Variants in ERN1 observed in about 807,000 individuals in gnomAD.
The protein encoded by ERN1 is serine/threonine-protein kinase/endoribonuclease IRE1.
In ERN1, 39 loss-of-function variants were observed where a neutral mutation model predicts 113.1. The ratio of observed to expected loss-of-function variants is 0.34; its 90% CI spans 0.27 to 0.45. ERN1 has a LOEUF of 0.45. ERN1 is among the 20% of genes least tolerant of loss of function. The pLI is 1.00. For synonymous variants in ERN1, 507 were observed against 515.9 expected, an observed-to-expected ratio of 0.98 and a Z score of 0.23; for missense variants, 976 against 1,274.8, an observed-to-expected ratio of 0.77 and a Z score of 3.57.
chr17:64,097,164 C>G (rs1914252866), intron 2 of ERN1, among the ~76,000 whole-genome samples: 1 of 152,200 alleles, frequency 6.6e-6, no homozygotes, highest in Non-Finnish European at 1.5e-5. Flanking sequence ...AAAGTTCCTG[C>G]TGATCCAAGC....
intron 2 of ERN1, among the ~76,000 whole-genome samples, chr17:64,081,875 A>G (rs1172651824): frequency 6.6e-6 from 1 of 152,176 alleles, no homozygotes; most frequent in Non-Finnish European, 1.5e-5. Context: ...GAGAGCATGA[A>G]CACTGGCACA....
chr17:64,054,290 T>C lies in ERN1; in HGVS notation c.1913A>G (p.Gln638Arg), dbSNP rs1482812084. The change falls in exon 15 of 22, where the codon CAG (glutamine) becomes CGG (arginine). Residue 638 changes from glutamine to arginine, a missense_variant. By Grantham distance (43) the Gln-to-Arg change is conservative. Transcript: ENST00000433197. The surrounding 1 kb of genome is among the most constrained non-coding windows in gnomAD (Gnocchi z 4.9). ...TGCACACAGCTCGATGGCAATGTACTGGAATTGCCGGTCCTTCTCCGTGCA... is the reference window on the plus strand; with the variant it reads ...TGCACACAGCTCGATGGCAATGTACCGGAATTGCCGGTCCTTCTCCGTGCA... ...YFCTEKDRQF[Q>R]YIAIELCAAT... 2.5e-6 allele frequency: 4 copies of C among 1,613,862 alleles called. No individual in the cohort carries two copies. The highest frequency in any genetic ancestry group is 4.5e-5 in the East Asian group (2 of 44,884).
chr17:64,047,456 G>C (rs1912547674), intron 19 of ERN1, among the ~76,000 whole-genome samples: 1 of 152,082 alleles, frequency 6.6e-6, no homozygotes, highest in Admixed American at 6.6e-5. Context: ...GTGGGGAGAG[G>C]GTGAAGGTTA....
chr17:64,107,053 C>T (rs372605353), intron 1 of ERN1, among the ~76,000 whole-genome samples: 5 of 152,094 alleles, frequency 3.3e-5, no homozygotes, highest in African/African-American at 1.2e-4. Context: ...AGCAGAGTAC[C>T]GCTTTCTAAT....
intron 1 of ERN1, among the ~76,000 whole-genome samples, chr17:64,128,161 A>ATTTTTTT (rs760752335): frequency 4.0e-5 from 5 of 126,396 alleles, no homozygotes; most frequent in African/African-American, 1.3e-4. Flanking sequence ...CGCCCGGCTA[A>ATTTTTTT]TTTTTTTTTT....
chr17:64,103,897 G>C (rs575864030), intron 1 of ERN1, among the ~76,000 whole-genome samples: 3 of 152,244 alleles, frequency 2.0e-5, no homozygotes, highest in East Asian at 1.9e-4. Flanking sequence ...GGACTGACTG[G>C]TCAGGCAGGG....
In ERN1 at chr17:64,048,030, C is replaced by G. The variant is rs755764364; in HGVS notation, c.2402-45G>C. 1.9e-6 allele frequency: 3 copies of G among 1,550,892 alleles called. No homozygotes were observed. In the Admixed American group the frequency reaches 5.7e-5, roughly 29 times the overall value. ...GCAACTCATGACTACCAGTCCAAAG[C>G]CACAGTGAAATACCAAAAACTTTAA... is the stretch of plus-strand genomic sequence containing the variant. On this transcript the variant is annotated intron_variant, in intron 18 of 21. Transcript: ENST00000433197.
intron 2 of ERN1, among the ~76,000 whole-genome samples, chr17:64,086,034 T>C (rs1224271615): frequency 6.6e-5 from 10 of 152,244 alleles, no homozygotes; most frequent in Non-Finnish European, 1.5e-4. Context: ...ACAATGCTTT[T>C]GTCTTCACAC....
At chr17:64,100,439 AG>A (rs1034032326) in intron 1 of ERN1, among the ~76,000 whole-genome samples, 16 of 152,328 alleles carry the variant, frequency 1.1e-4, no homozygotes, top group African/African-American at 3.6e-4. Flanking sequence ...AGGTCTTGGG[AG>A]GCCACACAAG....
intron 17 of ERN1, among the ~76,000 whole-genome samples, chr17:64,050,099 T>A (rs754204343): frequency 2.6e-5 from 4 of 152,120 alleles, no homozygotes; most frequent in Non-Finnish European, 5.9e-5. Flanking sequence ...GACAGAAAGG[T>A]TGCATGACAA....
Position 64,063,931 on chromosome 17 carries a change from C to T in ERN1, c.1087+55G>A. 1.3e-6 allele frequency: 2 copies of T among 1,573,596 alleles called. No individual in the cohort carries two copies. Among genetic ancestry groups the T allele is most frequent in the Admixed American group, 3.4e-5 (2 of 58,390 alleles). ...TGTAACTACCAGGGCCGGCGGTCGC[C>T]CACCAGGAGGCAGCACGCTGTCACC... On this transcript the variant is annotated intron_variant, in intron 10 of 21. Coordinates refer to ENST00000433197, the MANE Select transcript of ERN1 (RefSeq NM_001433.5). The surrounding 1 kb of genome is among the most constrained non-coding windows in gnomAD (Gnocchi z 5.1).
intron 2 of ERN1, among the ~76,000 whole-genome samples, chr17:64,092,016 C>T (rs1027963027): frequency 6.6e-6 from 1 of 152,152 alleles, no homozygotes. Flanking sequence ...TTTCAGCAGG[C>T]AGGGGTACAG....
Position 64,042,490 on chromosome 17 carries a change from A to G in ERN1, c.*1498T>C, listed in dbSNP as rs2143305470. The G allele has an allele frequency of 1.3e-5, 2 of 152,328 alleles. No individual in the cohort carries two copies. The highest frequency in any genetic ancestry group is 2.9e-5 in the Non-Finnish European group (2 of 68,024). The allele number at this position is 152,328 out of a possible 1,614,324, so 9.4% of individuals were successfully genotyped here. On this transcript the variant is annotated 3_prime_UTR_variant, in exon 22 of 22. Transcript: ENST00000433197. ...TCTGTGAGTAAAATTCAACAATCCCATTCTTAATACTGAATGGAATCTCTG... is the reference window on the plus strand; with the variant it reads ...TCTGTGAGTAAAATTCAACAATCCCGTTCTTAATACTGAATGGAATCTCTG...
At chr17:64,120,800 C>T (rs969591519) in intron 1 of ERN1, among the ~76,000 whole-genome samples, 3 of 152,198 alleles carry the variant, frequency 2.0e-5, no homozygotes, top group Non-Finnish European at 4.4e-5. Context: ...AGACACACAA[C>T]TGGTGCAATC....
chr17:64,130,034 A>G lies in ERN1; in HGVS notation c.-5T>C, dbSNP rs1915198122. Reference sequence around the variant, plus strand: ...CAGCAGCCGCCGGGCCGGCATGGCGAGGACTCGGCCCTGGCTCCGGGGGCG... The same window carrying G: ...CAGCAGCCGCCGGGCCGGCATGGCGGGGACTCGGCCCTGGCTCCGGGGGCG... On this transcript the variant is annotated 5_prime_UTR_variant, in exon 1 of 22. Coordinates refer to ENST00000433197, the MANE Select transcript of ERN1 (RefSeq NM_001433.5). This position sits in a 1 kb window ranked among gnomAD's most constrained non-coding sequence, Gnocchi z 4.0. 7.0e-7 allele frequency: 1 copy of G among 1,419,110 alleles called. No individual in the cohort carries two copies. Among genetic ancestry groups the G allele is most frequent in the South Asian group, 1.5e-5 (1 of 67,786 alleles). The allele number at this position is 1,419,110 out of a possible 1,614,324, so 87.9% of individuals were successfully genotyped here.
chr17:64,068,093 A>G, intron 7 of ERN1, 97 bp downstream of exon 7: 2 of 794,674 alleles, frequency 2.5e-6, no homozygotes, highest in South Asian at 3.3e-5. Flanking sequence ...GGTGACAAAG[A>G]GTATCTTAAA....
chr17:64,076,737 C>A (rs183458296), intron 4 of ERN1, among the ~76,000 whole-genome samples: 46 of 152,186 alleles, frequency 3.0e-4, no homozygotes, highest in African/African-American at 1.1e-3. Flanking sequence ...GTAGCTGGGA[C>A]TACAGGCGCC....
Position 64,068,258 on chromosome 17 carries a change from C to G in ERN1, c.512G>C (p.Arg171Pro). Residue 171 changes from arginine to proline, a missense_variant, in exon 7 of 22, where the codon CGA becomes CCA. Arg to Pro is a moderately radical substitution (Grantham distance 103). Transcript: ENST00000433197. ...GTAGGTGGCATTCCACCGGAGCTCT[C>G]GGGTTTTGGTGTCGTACATGGTGAT... ...YTITMYDTKTRELRWNATYFD... is the reference protein window; with the variant it reads ...YTITMYDTKTPELRWNATYFD... 1 of 1,612,814 alleles carries G rather than the reference C, an allele frequency of 6.2e-7. No individual in the cohort carries two copies.
At chr17:64,060,865 C>T (rs370298562) in intron 10 of ERN1, among the ~76,000 whole-genome samples, 17 of 152,146 alleles carry the variant, frequency 1.1e-4, no homozygotes, top group East Asian at 3.8e-4. Context: ...AGGCACCAGA[C>T]GCAAGGCTCG....
Sources: gnomAD v4.1 joint callset for allele counts (sites outside exome capture counted in the v4.1 genomes callset) on GRCh38, gnomAD v4.1.1 for gene constraint, Gnocchi (gnomAD v3.1) non-coding constraint, MANE v1.5 for transcripts, NCBI Gene and HGNC (gene_info 2026-07-23, HGNC 2026-07-21) for gene names.